TNS3: variants seen among roughly 807,000 people sequenced by gnomAD.
TNS3 encodes tensin-3.
A neutral mutation model predicts 140.9 loss-of-function variants in TNS3; 45 were observed. That is an observed-to-expected ratio of 0.32 (90% CI 0.25 to 0.41). The LOEUF (loss-of-function observed/expected upper bound fraction) is 0.41. Ranked by LOEUF, TNS3 falls within the 10% of genes least tolerant of loss-of-function variation. TNS3 has a pLI of 1.00. For missense variants in TNS3, 1,716 were observed against 1,906.7 expected (o/e 0.90, Z 1.86); for synonymous variants, 815 against 788.4 (o/e 1.03, Z -0.56).
chr7:47,293,978 C>G (rs917453582), intron 24 of TNS3, 150 bp from the exon 25 acceptor site: 26 of 720,952 alleles, frequency 3.6e-5, no homozygotes, highest in Non-Finnish European at 5.1e-5. Context: ...TGCCAAGAAC[C>G]ATCTTCGTCC....
chr7:47,481,629 G>T, intron 3 of TNS3: 1 of 981,280 alleles, frequency 1.0e-6, no homozygotes, highest in Non-Finnish European at 1.2e-6. Flanking sequence ...TAGAACTGAA[G>T]AGTCTGAATG....
At chr7:47,543,963 G>T (rs548736587) in intron 1 of TNS3, among the ~76,000 whole-genome samples, 2 of 152,278 alleles carry the variant, frequency 1.3e-5, no homozygotes, top group African/African-American at 4.8e-5. Flanking sequence ...GCTCTGACTC[G>T]TCACAGAGTT....
chr7:47,290,045 T>C (rs955722730), intron 27 of TNS3, among the ~76,000 whole-genome samples: 14 of 152,142 alleles, frequency 9.2e-5, no homozygotes, highest in African/African-American at 2.7e-4. Flanking sequence ...AAAGAACAAA[T>C]AGGTCAATTA....
intron 16 of TNS3, among the ~76,000 whole-genome samples, chr7:47,376,224 A>G (rs776040414): frequency 6.6e-6 from 1 of 152,246 alleles, no homozygotes; most frequent in Non-Finnish European, 1.5e-5. Flanking sequence ...AGAGATGGAA[A>G]GGGTGGTGGG....
At chr7:47,567,588 G>T (rs373180577) in intron 1 of TNS3, among the ~76,000 whole-genome samples, 1 of 151,560 alleles carries the variant, frequency 6.6e-6, no homozygotes, top group East Asian at 1.9e-4. Flanking sequence ...GGAGGCTGAG[G>T]CAGACGAATG....
chr7:47,530,838 A>AAATATATATATATATATATATATATAT, intron 1 of TNS3, among the ~76,000 whole-genome samples: 1 of 54,560 alleles, frequency 1.8e-5, no homozygotes, highest in Non-Finnish European at 3.3e-5. Flanking sequence ...AAAAAAAAAA[A>AAATATATATATATATATATATATATAT]ATATATATAT....
intron 16 of TNS3, among the ~76,000 whole-genome samples, chr7:47,383,286 C>T (rs1031386689): frequency 6.6e-5 from 10 of 152,058 alleles, no homozygotes; most frequent in South Asian, 2.1e-4. Context: ...GTGAAAGAAG[C>T]GAATCACAGA....
intron 22 of TNS3, 74 bp from the exon 23 acceptor site, chr7:47,302,346 C>A: frequency 8.0e-7 from 1 of 1,245,154 alleles, no homozygotes; most frequent in East Asian, 2.3e-5. Context: ...TGCTGTGATC[C>A]CAGAAGTCCA....
intron 3 of TNS3, among the ~76,000 whole-genome samples, chr7:47,489,248 G>C (rs1008143086): frequency 6.6e-6 from 1 of 152,168 alleles, no homozygotes; most frequent in Non-Finnish European, 1.5e-5. Context: ...AAAATTCCCA[G>C]AATCAGGTCA....
intron 4 of TNS3, among the ~76,000 whole-genome samples, chr7:47,447,106 C>T (rs965399419): frequency 7.9e-5 from 12 of 152,146 alleles, no homozygotes; most frequent in Non-Finnish European, 1.3e-4. Flanking sequence ...CTTTCTCTTC[C>T]GGTAAAATGA....
chr7:47,410,645 T>C (rs1793718003), intron 13 of TNS3, among the ~76,000 whole-genome samples: 1 of 152,186 alleles, frequency 6.6e-6, no homozygotes, highest in African/African-American at 2.4e-5. Context: ...TAAGCTAAGA[T>C]TTCAAAATCT....
At chr7:47,536,832 C>T (rs767943396) in intron 1 of TNS3, among the ~76,000 whole-genome samples, 4 of 152,184 alleles carry the variant, frequency 2.6e-5, no homozygotes, top group South Asian at 4.1e-4. Context: ...CACGCGTGGA[C>T]GTGCAGACGG....
intron 20 of TNS3, among the ~76,000 whole-genome samples, chr7:47,320,914 G>GTGTT (rs1562591115): frequency 6.6e-6 from 1 of 152,206 alleles, no homozygotes; most frequent in African/African-American, 2.4e-5. Context: ...GGCATGAAAG[G>GTGTT]TGTTTACAGC....
intron 3 of TNS3, among the ~76,000 whole-genome samples, chr7:47,505,389 C>G (rs754750435): frequency 6.6e-6 from 1 of 152,234 alleles, no homozygotes; most frequent in South Asian, 2.1e-4. Flanking sequence ...AAATCAGCTA[C>G]GCCTAGGAGT....
At chr7:47,431,470 G>A (rs111968794) in intron 8 of TNS3, among the ~76,000 whole-genome samples, 3,424 of 152,216 alleles carry the variant, frequency 0.022, 106 homozygotes, top group African/African-American at 0.079. Flanking sequence ...GCACGTGCCT[G>A]TAATCCCAGC....
In TNS3 at chr7:47,366,694, G is replaced by C. The variant is rs530689638; in HGVS notation, c.2281+1671C>G. Among the ~76,000 whole-genome samples the C allele has an allele frequency of 3.3e-5, 4 of 122,300 alleles. No individual in the cohort carries two copies. The East Asian group carries it at 6.7e-4, about 20-fold the overall frequency. The allele number at this position is 122,300 out of a possible 152,430, so 80.2% of individuals were successfully genotyped here. A position where few individuals can be genotyped will look rare whatever the true frequency, so the allele number is the denominator to read the frequency against. ...ATGGAGACACTGAGTCCACACCTCA[G>C]GGCACTGACTTTTGCTCTACTATGC... is the stretch of plus-strand genomic sequence containing the variant. On this transcript the variant is annotated intron_variant, in intron 17 of 30. Coordinates refer to ENST00000311160, the MANE Select transcript of TNS3 (RefSeq NM_022748.12).
intron 16 of TNS3, among the ~76,000 whole-genome samples, chr7:47,376,237 C>A (rs2151191843): frequency 6.6e-6 from 1 of 152,322 alleles, no homozygotes; most frequent in South Asian, 2.1e-4. Context: ...GTGGTGGGCA[C>A]ATTTCACGGC....
intron 13 of TNS3, among the ~76,000 whole-genome samples, chr7:47,401,975 AAG>A (rs1793192507): frequency 6.6e-6 from 1 of 152,162 alleles, no homozygotes; most frequent in South Asian, 2.1e-4. Context: ...GTTCCCATAA[AAG>A]AGACTTTTCT....
At chr7:47,464,362 T>A (rs1343023624) in intron 4 of TNS3, among the ~76,000 whole-genome samples, 1 of 152,154 alleles carries the variant, frequency 6.6e-6, no homozygotes. Flanking sequence ...CATCAGAGAA[T>A]GTGAGTTTCT....
Sources: allele counts gnomAD v4.1 joint callset (sites outside exome capture counted in the v4.1 genomes callset), GRCh38; gene constraint gnomAD v4.1.1; transcripts MANE v1.5; gene names NCBI Gene and HGNC (gene_info 2026-07-23, HGNC 2026-07-21).